The following VWF variants were observed in gnomAD, a reference collection of about 807,000 sequenced individuals.
VWF encodes the protein Factor VIII related antigen.
A neutral mutation model predicts 308.6 loss-of-function variants in VWF; 176 were observed. That is an observed-to-expected ratio of 0.57 (90% CI 0.50 to 0.65). The LOEUF (loss-of-function observed/expected upper bound fraction) is 0.65. VWF is among the 30% of genes least tolerant of loss of function. The pLI is 0.00. For synonymous variants in VWF, 1,385 were observed against 1,443.4 expected (o/e 0.96, Z 0.92); for missense variants, 3,146 against 3,648.2 (o/e 0.86, Z 3.55).
At chr12:5,999,494 ACACACACAC>A (rs567056350) in intron 34 of VWF, among the ~76,000 whole-genome samples, 186 of 149,660 alleles carry the variant, frequency 1.2e-3, no homozygotes, top group Middle Eastern at 3.4e-3. Flanking sequence ...ACACACACAC[ACACACACAC>A]CACTAAGGAA....
intron 16 of VWF, among the ~76,000 whole-genome samples, chr12:6,049,909 T>C (rs2136446397): frequency 6.6e-6 from 1 of 152,302 alleles, no homozygotes; most frequent in Admixed American, 6.5e-5. Context: ...ATCCTCTTTT[T>C]CTTCCTCTTG....
intron 17 of VWF, among the ~76,000 whole-genome samples, chr12:6,045,306 C>T (rs558448228): frequency 6.6e-6 from 1 of 152,300 alleles, no homozygotes; most frequent in South Asian, 2.1e-4. Flanking sequence ...AATTTCTAGC[C>T]TTATTTTTAT....
rs142867412 is a variant in VWF, at chr12:6,076,848, G to A, written c.658-1297C>T. Among the ~76,000 whole-genome samples the A allele has an allele frequency of 5.3e-4, 80 of 152,282 alleles. No individual in the cohort carries two copies. The East Asian group carries it at 0.014, about 26-fold the overall frequency. ...GCCTGTGGGCCTCCTGTTTTGCGGC[G>A]CCACAGAAAGCCCACAGGAATAGAA... On this transcript the variant is annotated intron_variant, in intron 6 of 51. Transcript: ENST00000261405.
At chr12:5,980,240 G>A (rs1167281814) in intron 42 of VWF, among the ~76,000 whole-genome samples, 1 of 55,288 alleles carries the variant, frequency 1.8e-5, no homozygotes, top group African/African-American at 5.5e-5. Context: ...GGGAGGGAGG[G>A]AAGGAAGGAA....
chr12:6,058,126 A>G lies in VWF; in HGVS notation c.1534-82T>C. ...GTTTAGCTAATGAGATGGTTTTAAT[A>G]AAAAAAAAAAAGTTCCCCGGGTGAA... On this transcript the variant is annotated intron_variant, in intron 13 of 51. Transcript: ENST00000261405. The surrounding 1 kb of genome is among the most constrained non-coding windows in gnomAD (Gnocchi z 4.9). The G allele has an allele frequency of 1.9e-6, 1 of 531,120 alleles. No homozygotes were observed. The highest frequency in any genetic ancestry group is 2.7e-6 in the Non-Finnish European group (1 of 375,816). 32.9% of individuals were successfully genotyped at this position (531,120 alleles called of 1,614,324 possible).
intron 38 of VWF, among the ~76,000 whole-genome samples, chr12:5,988,088 T>G (rs113241997): frequency 2.0e-5 from 3 of 151,736 alleles, no homozygotes; most frequent in Non-Finnish European, 2.9e-5. Flanking sequence ...CTCACAAGGG[T>G]GCACCTATGA....
Position 6,058,166 on chromosome 12 carries a change from G to T in VWF, c.1534-122C>A. 1 of 1,142,576 alleles carries T rather than the reference G, an allele frequency of 8.8e-7. No individual in the cohort carries two copies. Among genetic ancestry groups the T allele is most frequent in the Non-Finnish European group, 1.2e-6 (1 of 814,292 alleles). The allele number at this position is 1,142,576 out of a possible 1,614,324, so 70.8% of individuals were successfully genotyped here. On this transcript the variant is annotated intron_variant, in intron 13 of 51. Coordinates refer to ENST00000261405, the MANE Select transcript of VWF (RefSeq NM_000552.5). The surrounding 1 kb of genome is among the most constrained non-coding windows in gnomAD (Gnocchi z 4.9). ...CCCCGGGTGAAACATAAATATGAAT[G>T]TAATAAAAGGCAGCTAAGCCCTAGG...
chr12:5,976,378 A>G lies in VWF; in HGVS notation c.7288-118T>C, dbSNP rs1943533951. The G allele has an allele frequency of 2.2e-6, 3 of 1,338,072 alleles. No homozygotes were observed. In the East Asian group the frequency reaches 7.2e-5, roughly 32 times the overall value. The allele number at this position is 1,338,072 out of a possible 1,614,324, so 82.9% of individuals were successfully genotyped here. On this transcript the variant is annotated intron_variant, in intron 42 of 51. Transcript: ENST00000261405. The stretch of plus-strand genomic sequence containing the variant: ...GAGAATGTGGCAATAAATAAAACCA[A>G]ATGTGGTCTCCGCCCATATGCAGGG...
At chr12:6,008,570 G>A (rs774737372) in intron 34 of VWF, among the ~76,000 whole-genome samples, 1 of 152,076 alleles carries the variant, frequency 6.6e-6, no homozygotes. Context: ...ACATCACACC[G>A]AATAGTGCAA....
intron 6 of VWF, chr12:6,095,140 G>A (rs1263609840): frequency 5.4e-6 from 2 of 372,314 alleles, no homozygotes; most frequent in Non-Finnish European, 1.0e-5. Flanking sequence ...CTGAATGCTG[G>A]TACCTTGATT....
At position 5,968,130 on chromosome 12, in the gene VWF, A is replaced by G. The variant is rs750868060; in HGVS notation, c.7767T>C (p.Ile2589=). Residue 2589 remains isoleucine (I), a synonymous_variant, in exon 46 of 52, where the codon ATT becomes ATC. Transcript: ENST00000261405. ...GGAGAAGAGGACAGCGGCTCACCCCAATGACAGTGCCATTGAGCATGCAGG... is the reference window on the plus strand; with the variant it reads ...GGAGAAGAGGACAGCGGCTCACCCCGATGACAGTGCCATTGAGCATGCAGG... ...MEACMLNGTV[I]GPGKTVMIDV... 1 of 1,613,998 alleles carries G rather than the reference A, an allele frequency of 6.2e-7. No individual in the cohort carries two copies. Among genetic ancestry groups the G allele is most frequent in the South Asian group, 1.1e-5 (1 of 91,068 alleles).
chr12:5,982,596 C>T (rs551590727), intron 41 of VWF, among the ~76,000 whole-genome samples: 124 of 152,228 alleles, frequency 8.1e-4, no homozygotes, highest in African/African-American at 2.8e-3. Context: ...TCTAGGAAGT[C>T]GGGTGAGTGT....
rs201286351 is a variant in VWF at position 6,017,620 on chromosome 12, A to AT, written c.5053+744dup. On this transcript the variant is annotated intron_variant, in intron 28 of 51. Coordinates refer to ENST00000261405, the MANE Select transcript of VWF (RefSeq NM_000552.5). ...AGTAGTAACAGCAGTGGGAGCAAGC[A>AT]TTTTTTTTTGAGCACTTGTCATGTG... Among the ~76,000 whole-genome samples, 329 of 151,390 alleles carry AT rather than the reference A, an allele frequency of 2.2e-3. 1 individual carries two copies. In the Middle Eastern group the frequency reaches 0.041, roughly 19 times the overall value.
At chr12:6,111,677 G>T (rs867216960) in intron 3 of VWF, among the ~76,000 whole-genome samples, 1 of 152,042 alleles carries the variant, frequency 6.6e-6, no homozygotes, top group African/African-American at 2.4e-5. Flanking sequence ...TCGGTCGAGT[G>T]CGGTGGCTCA....
chr12:6,077,600 G>A (rs1432193649), intron 6 of VWF, among the ~76,000 whole-genome samples: 1 of 152,232 alleles, frequency 6.6e-6, no homozygotes, highest in Non-Finnish European at 1.5e-5. Flanking sequence ...GAGTGTCCCA[G>A]AGTGAGAATG....
chr12:6,042,009 G>A (rs1399430857), intron 18 of VWF, among the ~76,000 whole-genome samples: 6 of 152,162 alleles, frequency 3.9e-5, no homozygotes, highest in African/African-American at 1.4e-4. Flanking sequence ...GCTTTAAAGT[G>A]CTTTCACACA....
chr12:5,987,145 C>G (rs1164185228), intron 38 of VWF, among the ~76,000 whole-genome samples: 1 of 152,154 alleles, frequency 6.6e-6, no homozygotes, highest in Non-Finnish European at 1.5e-5. Flanking sequence ...CAGGCTGGGT[C>G]TCGAATTCCT....
intron 3 of VWF, among the ~76,000 whole-genome samples, 193 bp downstream of exon 3, chr12:6,120,981 C>G (rs1945424411): frequency 6.6e-6 from 1 of 152,204 alleles, no homozygotes; most frequent in Non-Finnish European, 1.5e-5. Context: ...TCCATCCCAC[C>G]CGGCTCCCGT....
At chr12:6,103,427 CACACGTG>C (rs1945199199) in intron 5 of VWF, among the ~76,000 whole-genome samples, 2 of 112,678 alleles carry the variant, frequency 1.8e-5, no homozygotes, top group African/African-American at 1.2e-4. Context: ...TGTGTGTATA[CACACGTG>C]TGTATATACA....
Sources: gnomAD v4.1 joint callset for allele counts (sites outside exome capture counted in the v4.1 genomes callset) on GRCh38, gnomAD v4.1.1 for gene constraint, Gnocchi (gnomAD v3.1) non-coding constraint, MANE v1.5 for transcripts, NCBI Gene and HGNC (gene_info 2026-07-23, HGNC 2026-07-21) for gene names.